CEP85L: variants seen among roughly 807,000 people sequenced by gnomAD.
CEP85L encodes the protein centrosomal protein of 85 kDa-like.
In CEP85L, 60 loss-of-function variants were observed where a neutral mutation model predicts 100.3. The observed-to-expected ratio is 0.60, with a 90% CI of 0.49 to 0.74. The LOEUF (loss-of-function observed/expected upper bound fraction) is 0.74. Among genes scored for constraint, CEP85L ranks in the 30% least tolerant of loss-of-function variants. CEP85L has a pLI of 0.00. For synonymous variants in CEP85L, 319 were observed against 322.7 expected (o/e 0.99, Z 0.12); for missense variants, 973 against 936.2 (o/e 1.04, Z -0.51).
At chr6:118,668,503 C>T (rs752379558) in intron 1 of CEP85L, among the ~76,000 whole-genome samples, 4 of 152,162 alleles carry the variant, frequency 2.6e-5, no homozygotes, top group Non-Finnish European at 4.4e-5. Context: ...ACTTGCTACT[C>T]GGAAGGCTGA....
chr6:118,539,684 C>A (rs1448402435), intron 3 of CEP85L, among the ~76,000 whole-genome samples: 1 of 151,992 alleles, frequency 6.6e-6, no homozygotes, highest in Non-Finnish European at 1.5e-5. Flanking sequence ...GTTTGCTGCA[C>A]CTATCAACCC....
chr6:118,628,764 T>C (rs1013506868), intron 2 of CEP85L, among the ~76,000 whole-genome samples: 1 of 152,148 alleles, frequency 6.6e-6, no homozygotes, highest in Non-Finnish European at 1.5e-5. Context: ...CAACCCTAAA[T>C]GTAAAACACA....
chr6:118,517,613 C>T (rs1317838498), intron 4 of CEP85L, among the ~76,000 whole-genome samples: 3 of 152,178 alleles, frequency 2.0e-5, no homozygotes, highest in Admixed American at 6.5e-5. Flanking sequence ...GCTAAAGTTG[C>T]TTATCGGCTC....
At chr6:118,702,999 A>C (rs1777468168) in intron 1 of CEP85L, among the ~76,000 whole-genome samples, 1 of 150,420 alleles carries the variant, frequency 6.6e-6, no homozygotes, top group Non-Finnish European at 1.5e-5. Context: ...CTGTCTCAAA[A>C]AAAAAAAAAA....
chr6:118,564,556 TCTC>T (rs1562264573), intron 3 of CEP85L, among the ~76,000 whole-genome samples: 1 of 152,196 alleles, frequency 6.6e-6, no homozygotes, highest in African/African-American at 2.4e-5. Flanking sequence ...TGTTAAGGGT[TCTC>T]CTATGAATGT....
At chr6:118,692,133 C>T (rs188267505) in intron 1 of CEP85L, among the ~76,000 whole-genome samples, 40 of 151,948 alleles carry the variant, frequency 2.6e-4, no homozygotes, top group African/African-American at 9.7e-4. Context: ...GATGACAAGG[C>T]CAAATATTTG....
intron 1 of CEP85L, among the ~76,000 whole-genome samples, chr6:118,660,885 C>CTTTT (rs57604070): frequency 1.3e-5 from 2 of 149,598 alleles, no homozygotes; most frequent in Non-Finnish European, 1.5e-5. Context: ...TTCTTTTTTT[C>CTTTT]TTTTTTTTTT....
At chr6:118,551,371 G>A (rs1778533796) in intron 3 of CEP85L, among the ~76,000 whole-genome samples, 1 of 138,176 alleles carries the variant, frequency 7.2e-6, no homozygotes, top group Non-Finnish European at 1.6e-5. Context: ...TTAATAGGGG[G>A]TATATTTATT....
Position 118,488,650 on chromosome 6 carries a change from A to ATG in CEP85L, c.1437+3034_1437+3035dup, listed in dbSNP as rs559907176. On this transcript the variant is annotated intron_variant, in intron 6 of 12. Coordinates refer to ENST00000368491, the MANE Select transcript of CEP85L (RefSeq NM_001042475.3). ...AATAATGACTAAAAACTTCCCAAAT[A>ATG]TGTGTGTGTGGGAGGGAGAGGCAGG... 1.3e-4 allele frequency among the ~76,000 whole-genome samples: 20 copies of ATG among 152,274 alleles called. No individual in the cohort carries two copies. The East Asian group carries it at 3.7e-3, about 28-fold the overall frequency.
intron 2 of CEP85L, among the ~76,000 whole-genome samples, chr6:118,585,432 T>A (rs1237849734): frequency 6.6e-6 from 1 of 152,160 alleles, no homozygotes; most frequent in Non-Finnish European, 1.5e-5. Context: ...AGGAAACAGA[T>A]TAGCTGATCA....
At chr6:118,529,058 C>G (rs1359217173) in intron 3 of CEP85L, among the ~76,000 whole-genome samples, 4 of 152,160 alleles carry the variant, frequency 2.6e-5, no homozygotes. Context: ...AATCAGGTAT[C>G]TACCCCGGAA....
chr6:118,530,524 A>G (rs1201533531), intron 3 of CEP85L, among the ~76,000 whole-genome samples: 1 of 152,150 alleles, frequency 6.6e-6, no homozygotes, highest in African/African-American at 2.4e-5. Context: ...AGCCAGAGCA[A>G]TCAGGCAAGA....
chr6:118,481,538 T>A (rs1773783507), intron 8 of CEP85L, among the ~76,000 whole-genome samples: 1 of 152,090 alleles, frequency 6.6e-6, no homozygotes, highest in African/African-American at 2.4e-5. Context: ...GCATTTCAGA[T>A]TTTGGATTGT....
chr6:118,572,207 C>T (rs946137959), intron 2 of CEP85L, among the ~76,000 whole-genome samples: 12 of 143,786 alleles, frequency 8.3e-5, no homozygotes, highest in African/African-American at 1.6e-4. Flanking sequence ...TTCCTGCTAA[C>T]GCCATGATCA....
rs1772249501 is a variant in CEP85L, at chr6:118,461,836, A to T, written c.*3569T>A. On this transcript the variant is annotated 3_prime_UTR_variant, in exon 13 of 13. Transcript: ENST00000368491. ...AGCATGGTTATGAAAATTGCTTATTACCATAATTACATATCTACAATGATA... is the reference window on the plus strand; with the variant it reads ...AGCATGGTTATGAAAATTGCTTATTTCCATAATTACATATCTACAATGATA... 1.3e-5 allele frequency: 2 copies of T among 152,176 alleles called. No homozygotes were observed. Among genetic ancestry groups the T allele is most frequent in the South Asian group, 4.1e-4 (2 of 4,828 alleles). The allele number at this position is 152,176 out of a possible 1,614,324, so 9.4% of individuals were successfully genotyped here. A position where few individuals can be genotyped will look rare whatever the true frequency, so the allele number is the denominator to read the frequency against.
At chr6:118,489,271 C>CAA (rs371393488) in intron 6 of CEP85L, among the ~76,000 whole-genome samples, 2,663 of 127,226 alleles carry the variant, frequency 0.021, 73 homozygotes, top group East Asian at 0.12. Flanking sequence ...AGCTCTGTCT[C>CAA]AAAAAAAAAA....
intron 1 of CEP85L, among the ~76,000 whole-genome samples, chr6:118,704,811 G>A (rs1777543384): frequency 6.6e-6 from 1 of 152,134 alleles, no homozygotes; most frequent in Non-Finnish European, 1.5e-5. Context: ...TGGCGCTGGG[G>A]CATTTTATTC....
intron 3 of CEP85L, among the ~76,000 whole-genome samples, chr6:118,527,556 A>C (rs1198867476): frequency 6.6e-6 from 1 of 152,194 alleles, no homozygotes; most frequent in African/African-American, 2.4e-5. Flanking sequence ...TCTCTACTTA[A>C]TGAAACTCCG....
intron 2 of CEP85L, among the ~76,000 whole-genome samples, chr6:118,587,290 C>T (rs1780918895): frequency 6.6e-6 from 1 of 152,192 alleles, no homozygotes; most frequent in Non-Finnish European, 1.5e-5. Flanking sequence ...CACTCTGCCC[C>T]AGCGCCAAAG....
Sources: gnomAD v4.1 joint callset for allele counts (sites outside exome capture counted in the v4.1 genomes callset) on GRCh38, gnomAD v4.1.1 for gene constraint, MANE v1.5 for transcripts, NCBI Gene and HGNC (gene_info 2026-07-23, HGNC 2026-07-21) for gene names.